The following BMP2K variants were observed in gnomAD, a reference collection of about 807,000 sequenced individuals.
The protein encoded by BMP2K is BMP-2-inducible protein kinase.
Under a neutral mutation model 116.0 loss-of-function variants are expected in BMP2K, and 74 were observed. That is an observed-to-expected ratio of 0.64 (90% CI 0.53 to 0.77). BMP2K has a LOEUF of 0.77. Among genes scored for constraint, BMP2K ranks in the 30% least tolerant of loss-of-function variants. The probability of loss-of-function intolerance (pLI) is 0.00; values close to 1 mark genes in which losing one functional copy is unlikely to be tolerated. For missense variants in BMP2K, 1,365 were observed against 1,403.6 expected, an observed-to-expected ratio of 0.97 and a Z score of 0.44; for synonymous variants, 486 against 502.5, an observed-to-expected ratio of 0.97 and a Z score of 0.44.
chr4:78,861,964 A>G lies in BMP2K; in HGVS notation c.1067+496A>G, dbSNP rs530297045. Among the ~76,000 whole-genome samples, 70 of 152,082 alleles carry G rather than the reference A, an allele frequency of 4.6e-4. 1 individual carries two copies. Among genetic ancestry groups the G allele is most frequent in the Non-Finnish European group, 7.5e-4 (51 of 67,930 alleles). On this transcript the variant is annotated intron_variant, in intron 9 of 15. Transcript: ENST00000502613. ...ATTTTTCAGAGTATTTATTATATTA[A>G]TAATAAGTTTGAACTATATTATGTA...
intron 1 of BMP2K, among the ~76,000 whole-genome samples, chr4:78,795,185 CTTT>C (rs1030867322): frequency 6.6e-6 from 1 of 152,176 alleles, no homozygotes; most frequent in Non-Finnish European, 1.5e-5. Context: ...GCCATAATAA[CTTT>C]TTTGTCTTTC....
At chr4:78,826,183 A>G in intron 2 of BMP2K, 28 bp downstream of exon 2, 1 of 1,555,608 alleles carries the variant, frequency 6.4e-7, no homozygotes, top group Non-Finnish European at 8.8e-7. Flanking sequence ...TCTCTTTCAG[A>G]AATTTTGCAA....
chr4:78,906,350 A>G (rs1358440613), intron 15 of BMP2K, among the ~76,000 whole-genome samples: 1 of 152,132 alleles, frequency 6.6e-6, no homozygotes, highest in Non-Finnish European at 1.5e-5. Flanking sequence ...TTGTTATTTT[A>G]GTTTTATGTA....
intron 15 of BMP2K, 51 bp from the exon 16 acceptor site, chr4:78,910,559 G>T: frequency 7.3e-7 from 1 of 1,366,006 alleles, no homozygotes; most frequent in South Asian, 1.5e-5. Flanking sequence ...TAGTGCAAGA[G>T]GATTCTGAAA....
At chr4:78,818,018 G>T (rs1022710807) in intron 1 of BMP2K, among the ~76,000 whole-genome samples, 3 of 152,102 alleles carry the variant, frequency 2.0e-5, no homozygotes, top group African/African-American at 7.2e-5. Flanking sequence ...TAAAATGGAT[G>T]GGGGAGGCAT....
rs960774633 is a variant in BMP2K, at chr4:78,913,408, A to G, written c.*1375A>G. Reference sequence around the variant, plus strand: ...AATCATTTAATGATAGAGATTACATATGTGAATTAATGTGAATATAGTATC... The same window carrying G: ...AATCATTTAATGATAGAGATTACATGTGTGAATTAATGTGAATATAGTATC... On this transcript the variant is annotated 3_prime_UTR_variant, in exon 16 of 16. Transcript: ENST00000502613. The G allele has an allele frequency of 9.9e-5, 15 of 152,148 alleles. 1 individual carries two copies. Among genetic ancestry groups the G allele is most frequent in the Admixed American group, 2.0e-4 (3 of 15,278 alleles). 9.4% of individuals were successfully genotyped at this position (152,148 alleles called of 1,614,324 possible). A position where few individuals can be genotyped will look rare whatever the true frequency, so the allele number is the denominator to read the frequency against.
chr4:78,893,644 C>T (rs1369519424), intron 15 of BMP2K, among the ~76,000 whole-genome samples: 1 of 152,178 alleles, frequency 6.6e-6, no homozygotes, highest in Non-Finnish European at 1.5e-5. Flanking sequence ...CTCACTATGG[C>T]CTCGAACTCC....
intron 1 of BMP2K, among the ~76,000 whole-genome samples, chr4:78,778,427 G>A (rs1380442341): frequency 6.6e-6 from 1 of 152,212 alleles, no homozygotes; most frequent in African/African-American, 2.4e-5. Flanking sequence ...CTGTTAGAGT[G>A]TTCCACTGAC....
At chr4:78,825,153 G>A (rs777356146) in intron 1 of BMP2K, among the ~76,000 whole-genome samples, 4 of 152,154 alleles carry the variant, frequency 2.6e-5, no homozygotes, top group African/African-American at 4.8e-5. Flanking sequence ...GCGGTGAGCC[G>A]AGATTGTGCC....
intron 2 of BMP2K, among the ~76,000 whole-genome samples, chr4:78,826,891 C>A (rs1729899842): frequency 6.6e-6 from 1 of 152,080 alleles, no homozygotes; most frequent in Non-Finnish European, 1.5e-5. Context: ...TTAAACCCTA[C>A]AAATACTGCT....
intron 1 of BMP2K, among the ~76,000 whole-genome samples, chr4:78,782,271 A>T (rs1162100069): frequency 6.6e-6 from 1 of 152,068 alleles, no homozygotes; most frequent in African/African-American, 2.4e-5. Flanking sequence ...CTGTCTTGAG[A>T]TGGAATTATG....
chr4:78,813,569 G>C lies in BMP2K; in HGVS notation c.179-12468G>C, dbSNP rs181039983. Among the ~76,000 whole-genome samples the C allele has an allele frequency of 5.9e-5, 9 of 152,262 alleles. No individual in the cohort carries two copies. In the East Asian group the frequency reaches 1.5e-3, roughly 26 times the overall value. ...CTCTAGGCTTTCTGATCCCTTTGCT[G>C]TTCCTCAAACTTATCAACCATGCCT... On this transcript the variant is annotated intron_variant, in intron 1 of 15. Transcript: ENST00000502613.
chr4:78,865,709 A>G lies in BMP2K; in HGVS notation c.1220A>G (p.His407Arg), dbSNP rs1025507104. ...CTTGCTCCTGGTGAATTCGGTAACC[A>G]TAGACCAAAAGGTAATAGAGCCCCG... ...KVLAPGEFGN[H>R]RPKGALRPGN... The change falls in exon 10 of 16, where the codon CAT becomes CGT. Residue 407 changes from histidine (H) to arginine (R), a missense_variant. Transcript: ENST00000502613. The G allele has an allele frequency of 4.3e-6, 7 of 1,614,056 alleles. No homozygotes were observed. Among genetic ancestry groups the G allele is most frequent in the South Asian group, 1.1e-5 (1 of 91,068 alleles).
intron 14 of BMP2K, 91 bp downstream of exon 14, chr4:78,878,982 T>C (rs1732770242): frequency 2.0e-6 from 3 of 1,526,490 alleles, no homozygotes; most frequent in Non-Finnish European, 1.7e-6. Context: ...AGAATGTGTA[T>C]GGAAAATTCT....
rs1006966333 is a variant in BMP2K, at chr4:78,915,939, A to G, written c.*3906A>G. The G allele has an allele frequency of 3.3e-5, 5 of 151,978 alleles. No homozygotes were observed. The South Asian group carries it at 6.2e-4, about 19-fold the overall frequency. The allele number at this position is 151,978 out of a possible 1,614,324, so 9.4% of individuals were successfully genotyped here. A position where few individuals can be genotyped will look rare whatever the true frequency, so the allele number is the denominator to read the frequency against. ...TTTTTAATTGCTGGCAAACAGCTTTAAGTGCACTTTCTTTGATTACACTTC... is the reference window on the plus strand; with the variant it reads ...TTTTTAATTGCTGGCAAACAGCTTTGAGTGCACTTTCTTTGATTACACTTC... On this transcript the variant is annotated 3_prime_UTR_variant, in exon 16 of 16. Transcript: ENST00000502613.
chr4:78,829,794 TCTCTTCTCTTCTC>T (rs1560518744), intron 2 of BMP2K, among the ~76,000 whole-genome samples: 15 of 89,346 alleles, frequency 1.7e-4, no homozygotes, highest in African/African-American at 3.8e-4. Context: ...TCTTTTCTCT[TCTCTTCTCTTCTC>T]TTCTCTTCTC....
chr4:78,781,516 T>C (rs772280673), intron 1 of BMP2K, among the ~76,000 whole-genome samples: 1 of 151,482 alleles, frequency 6.6e-6, no homozygotes, highest in Non-Finnish European at 1.5e-5. Flanking sequence ...AGAGGAAATA[T>C]CAAATGGGAA....
rs566704256 is a variant in BMP2K at position 78,792,730 on chromosome 4, C to G, written c.178+16009C>G. ...TATATTTTCCAAGCACATGATCTTA[C>G]ACAAAGTACAAGATTGACCACTGGA... On this transcript the variant is annotated intron_variant, in intron 1 of 15. Coordinates refer to ENST00000502613, the MANE Select transcript of BMP2K (RefSeq NM_198892.2). Among the ~76,000 whole-genome samples, 12 of 152,112 alleles carry G rather than the reference C, an allele frequency of 7.9e-5. No homozygotes were observed. In the East Asian group the frequency reaches 1.2e-3, roughly 15 times the overall value.
intron 3 of BMP2K, among the ~76,000 whole-genome samples, chr4:78,840,935 A>AT (rs1433265738): frequency 6.6e-6 from 1 of 152,120 alleles, no homozygotes; most frequent in Admixed American, 6.6e-5. Context: ...CCAAGAAAGC[A>AT]TTTTTTTATT....
Sources: gnomAD v4.1 joint callset for allele counts (sites outside exome capture counted in the v4.1 genomes callset) on GRCh38, gnomAD v4.1.1 for gene constraint, MANE v1.5 for transcripts, NCBI Gene and HGNC (gene_info 2026-07-23, HGNC 2026-07-21) for gene names.